The following DIP2B variants were observed in gnomAD, a reference collection of about 807,000 sequenced individuals.
DIP2B encodes the protein DIP2 acetate--CoA ligase B (putative).
A neutral mutation model predicts 198.0 loss-of-function variants in DIP2B; 76 were observed. The ratio of observed to expected loss-of-function variants is 0.38; its 90% CI spans 0.32 to 0.46. The LOEUF is 0.46. Among genes scored for constraint, DIP2B ranks in the 20% least tolerant of loss-of-function variants. The pLI is 0.99. For synonymous variants in DIP2B, 701 were observed against 739.1 expected (o/e 0.95, Z 0.84); for missense variants, 1,559 against 1,978.4 (o/e 0.79, Z 4.02).
intron 1 of DIP2B, among the ~76,000 whole-genome samples, chr12:50,521,771 A>G (rs1958122381): frequency 6.6e-6 from 1 of 151,108 alleles, no homozygotes; most frequent in African/African-American, 2.4e-5. Flanking sequence ...TGGCCTCCCA[A>G]AGTGTTGGGA....
chr12:50,654,423 A>G (rs1052647721), intron 3 of DIP2B, among the ~76,000 whole-genome samples: 2 of 150,278 alleles, frequency 1.3e-5, no homozygotes, highest in Admixed American at 1.3e-4. Context: ...TAGTGTGATC[A>G]TGGCTCAGGC....
At chr12:50,588,049 A>G (rs1958785689) in intron 1 of DIP2B, among the ~76,000 whole-genome samples, 1 of 152,216 alleles carries the variant, frequency 6.6e-6, no homozygotes, top group African/African-American at 2.4e-5. Flanking sequence ...CTAGACTTAA[A>G]TGCTGTTACT....
At chr12:50,675,507 C>A (rs1017321238) in intron 7 of DIP2B, 59 bp downstream of exon 7, 21 of 1,539,464 alleles carry the variant, frequency 1.4e-5, no homozygotes, top group African/African-American at 1.2e-4. Context: ...TAAGCAGTTA[C>A]TATGTGTTAG....
At chr12:50,656,871 A>T (rs776121128) in intron 3 of DIP2B, 1 of 152,166 alleles carries the variant, frequency 6.6e-6, no homozygotes, top group Non-Finnish European at 1.5e-5. Context: ...CATGCTGGCC[A>T]GGAAAACTTT....
At chr12:50,573,300 C>T (rs1427578243) in intron 1 of DIP2B, among the ~76,000 whole-genome samples, 1 of 152,220 alleles carries the variant, frequency 6.6e-6, no homozygotes, top group Non-Finnish European at 1.5e-5. Context: ...GCTGGTGCTT[C>T]AGGTTGTAAA....
At chr12:50,624,561 C>T (rs1937895128) in intron 1 of DIP2B, among the ~76,000 whole-genome samples, 1 of 152,096 alleles carries the variant, frequency 6.6e-6, no homozygotes, top group Admixed American at 6.6e-5. Flanking sequence ...CTTGAACTCC[C>T]AACCTTGTGA....
At chr12:50,622,209 A>G (rs142887683) in intron 1 of DIP2B, among the ~76,000 whole-genome samples, 1 of 152,280 alleles carries the variant, frequency 6.6e-6, no homozygotes, top group Non-Finnish European at 1.5e-5. Flanking sequence ...CCTGTTTCTA[A>G]TGACGGTTTA....
rs530085771 is a variant in DIP2B, at chr12:50,726,715, G to T, written c.3401-988G>T. 2.5e-4 allele frequency among the ~76,000 whole-genome samples: 37 copies of T among 147,626 alleles called. 1 individual carries two copies. The highest frequency in any genetic ancestry group is 8.8e-4 in the African/African-American group (35 of 39,936). On this transcript the variant is annotated intron_variant, in intron 28 of 37. Transcript: ENST00000301180. ...ATGATCTTGATATGTTACCCAGGTTGGTCTCAAACTCCTGGGTTCACACAA... is the reference window on the plus strand; with the variant it reads ...ATGATCTTGATATGTTACCCAGGTTTGTCTCAAACTCCTGGGTTCACACAA...
Position 50,629,344 on chromosome 12 carries a change from A to G in DIP2B, c.172+3297A>G, listed in dbSNP as rs969023050. ...CAAATTGTAGCAAGCCCTCAGAATC[A>G]CTGGAGGGCTTGTTAATACACAGAC... On this transcript the variant is annotated intron_variant, in intron 2 of 37. Transcript: ENST00000301180. 2.6e-5 allele frequency among the ~76,000 whole-genome samples: 4 copies of G among 152,118 alleles called. No homozygotes were observed. The South Asian group carries it at 8.3e-4, about 32-fold the overall frequency.
chr12:50,543,468 T>A (rs1382837407), intron 1 of DIP2B, among the ~76,000 whole-genome samples: 1 of 151,918 alleles, frequency 6.6e-6, no homozygotes, highest in Non-Finnish European at 1.5e-5. Context: ...TTTGTATTTT[T>A]GGTAGAGAAG....
chr12:50,735,610 A>T (rs1012762938), intron 34 of DIP2B, among the ~76,000 whole-genome samples: 7 of 151,984 alleles, frequency 4.6e-5, no homozygotes, highest in African/African-American at 9.7e-5. Flanking sequence ...GGTTACAGGC[A>T]CCTGCCCCCA....
intron 4 of DIP2B, among the ~76,000 whole-genome samples, chr12:50,663,809 G>T (rs1938697861): frequency 1.3e-5 from 2 of 148,586 alleles, no homozygotes; most frequent in Non-Finnish European, 3.0e-5. Flanking sequence ...GGTCAAGGCT[G>T]CAGTGAGCCG....
At chr12:50,508,807 G>A (rs757382756) in intron 1 of DIP2B, among the ~76,000 whole-genome samples, 1 of 152,018 alleles carries the variant, frequency 6.6e-6, no homozygotes, top group Non-Finnish European at 1.5e-5. Flanking sequence ...CCGGGTTCAG[G>A]TGATTCTCCT....
At chr12:50,718,512 G>A (rs1401554381) in intron 23 of DIP2B, among the ~76,000 whole-genome samples, 197 bp from the exon 24 acceptor site, 4 of 152,090 alleles carry the variant, frequency 2.6e-5, no homozygotes, top group African/African-American at 4.8e-5. Flanking sequence ...ATTTATTTGT[G>A]TATGTATTTC....
At chr12:50,577,148 G>A (rs1210151588) in intron 1 of DIP2B, among the ~76,000 whole-genome samples, 1 of 152,094 alleles carries the variant, frequency 6.6e-6, no homozygotes, top group African/African-American at 2.4e-5. Flanking sequence ...TGTGATCATG[G>A]TTTTCCAACT....
intron 1 of DIP2B, among the ~76,000 whole-genome samples, chr12:50,594,225 T>A (rs1958859890): frequency 6.6e-6 from 1 of 151,944 alleles, no homozygotes; most frequent in Non-Finnish European, 1.5e-5. Context: ...ATTACAAACA[T>A]GAGCCACTGT....
chr12:50,643,735 A>G (rs773600714), intron 3 of DIP2B, among the ~76,000 whole-genome samples: 1 of 152,168 alleles, frequency 6.6e-6, no homozygotes, highest in Non-Finnish European at 1.5e-5. Context: ...GGGGTGGCTC[A>G]TGCCTGTAAT....
At chr12:50,651,457 C>T (rs565981303) in intron 3 of DIP2B, among the ~76,000 whole-genome samples, 10 of 152,186 alleles carry the variant, frequency 6.6e-5, no homozygotes, top group African/African-American at 1.9e-4. Context: ...GTTTAGTTTC[C>T]GGCCTTGCTG....
At chr12:50,680,372 A>G (rs1204042550) in intron 8 of DIP2B, 2 of 213,298 alleles carry the variant, frequency 9.4e-6, no homozygotes, top group African/African-American at 4.6e-5. Context: ...GCATCAAATT[A>G]TTTCTAAGGA....
Sources: gnomAD v4.1 joint callset for allele counts (sites outside exome capture counted in the v4.1 genomes callset) on GRCh38, gnomAD v4.1.1 for gene constraint, MANE v1.5 for transcripts, NCBI Gene and HGNC (gene_info 2026-07-23, HGNC 2026-07-21) for gene names.